The following DMD variants were observed in gnomAD, a reference collection of about 807,000 sequenced individuals.
DMD encodes the protein dystrophin, also known as mutant dystrophin.
DMD carries 63 observed loss-of-function variants against 330.1 expected under a neutral mutation model. The ratio of observed to expected loss-of-function variants is 0.19; its 90% CI spans 0.16 to 0.24. DMD has a LOEUF of 0.24. DMD is among the 10% of genes least tolerant of loss of function. DMD has a pLI of 1.00. For synonymous variants in DMD, 1,223 were observed against 959.8 expected (o/e 1.27, Z -5.07); for missense variants, 3,344 against 2,684.1 (o/e 1.25, Z -5.43).
intron 62 of DMD, among the ~76,000 whole-genome samples, chrX:31,311,786 C>T (rs1386262669): frequency 9.0e-6 from 1 of 111,027 alleles, no homozygotes; most frequent in Non-Finnish European, 1.9e-5. Context: ...CATGAAAGAC[C>T]TCAGAAATAA....
At chrX:32,141,678 AACACACACACACACACACACACACAC>A (rs56858722) in intron 44 of DMD, among the ~76,000 whole-genome samples, 2 of 88,114 alleles carry the variant, frequency 2.3e-5, no homozygotes, top group African/African-American at 8.5e-5. Flanking sequence ...TATAGAGTGC[AACACACACACACACACACACACACAC>A]ACACACACAC....
chrX:33,197,495 A>G (rs893648767), intron 1 of DMD, among the ~76,000 whole-genome samples: 4 of 111,326 alleles, frequency 3.6e-5, no homozygotes, highest in Non-Finnish European at 5.7e-5. Context: ...TATCAAGTGT[A>G]GCTTTGTGTA....
chrX:33,133,550 T>A (rs1195981992), intron 1 of DMD, among the ~76,000 whole-genome samples: 1 of 111,240 alleles, frequency 9.0e-6, no homozygotes, highest in African/African-American at 3.3e-5. Context: ...TATTGCTCAA[T>A]GGAAGTCAAT....
intron 6 of DMD, among the ~76,000 whole-genome samples, chrX:32,810,248 A>T (rs1222240088): frequency 8.9e-6 from 1 of 112,057 alleles, no homozygotes; most frequent in Non-Finnish European, 1.9e-5. Flanking sequence ...TAGCTTATCC[A>T]AGCAACAAAA....
At chrX:33,311,939 A>C (rs779859600) in intron 1 of DMD, among the ~76,000 whole-genome samples, 1 of 110,824 alleles carries the variant, frequency 9.0e-6, no homozygotes, top group Non-Finnish European at 1.9e-5. Flanking sequence ...GGGAAATAGT[A>C]AAGAGAAAGA....
At chrX:32,010,703 C>T (rs1174989446) in intron 44 of DMD, among the ~76,000 whole-genome samples, 1 of 111,792 alleles carries the variant, frequency 8.9e-6, no homozygotes, top group African/African-American at 3.3e-5. Context: ...CTCTGACTAC[C>T]CCAAGTTAGA....
rs1341651482 is a variant in DMD, at chrX:33,041,347, CG to C, written c.32-21148del. The C allele has an allele frequency of 2.6e-6, 3 of 1,160,006 alleles. No individual in the cohort carries two copies. In the African/African-American group the frequency reaches 5.3e-5, roughly 21 times the overall value. Reference sequence around the variant, plus strand: ...TACCGCCTCTGCGCGTCGCCCTCCACGGTTACCCCGGCTTTCCGCCCCTCCT... The same window carrying C: ...TACCGCCTCTGCGCGTCGCCCTCCACGTTACCCCGGCTTTCCGCCCCTCCT... On this transcript the variant is annotated intron_variant, in intron 1 of 78. Transcript: ENST00000357033.
At chrX:31,581,720 A>G (rs765115921) in intron 55 of DMD, among the ~76,000 whole-genome samples, 84 of 112,195 alleles carry the variant, frequency 7.5e-4, no homozygotes, top group Non-Finnish European at 1.4e-3. Flanking sequence ...TTTTGAAAAG[A>G]TAACTTATTA....
chrX:31,890,109 T>C (rs991401107), intron 47 of DMD, among the ~76,000 whole-genome samples: 2 of 110,175 alleles, frequency 1.8e-5, no homozygotes, highest in African/African-American at 3.3e-5. Context: ...TCCTTCTTTT[T>C]ACTTTTATAT....
intron 29 of DMD, among the ~76,000 whole-genome samples, chrX:32,426,273 TAAAC>T (rs1450604214): frequency 2.7e-5 from 3 of 111,509 alleles, no homozygotes; most frequent in African/African-American, 9.8e-5. Flanking sequence ...CTAAGTAACT[TAAAC>T]AAATTTATTT....
At chrX:32,848,246 C>A (rs998760029) in intron 3 of DMD, among the ~76,000 whole-genome samples, 1 of 111,774 alleles carries the variant, frequency 8.9e-6, no homozygotes, top group Non-Finnish European at 1.9e-5. Flanking sequence ...ACTGGGACTT[C>A]TGTATTCGGT....
chrX:31,394,938 TGAGA>T (rs757803694), intron 60 of DMD, among the ~76,000 whole-genome samples: 1 of 86,832 alleles, frequency 1.2e-5, no homozygotes, highest in Admixed American at 1.3e-4. Flanking sequence ...GAGAGAAGGG[TGAGA>T]GAGAGAGAGA....
intron 2 of DMD, among the ~76,000 whole-genome samples, chrX:32,993,496 G>C (rs1288114657): frequency 9.1e-6 from 1 of 109,610 alleles, no homozygotes; most frequent in Admixed American, 9.8e-5. Flanking sequence ...CCAGCTACTT[G>C]GGAGGCTGTG....
At chrX:31,276,075 G>T (rs1334300403) in intron 62 of DMD, among the ~76,000 whole-genome samples, 2 of 111,680 alleles carry the variant, frequency 1.8e-5, no homozygotes, top group African/African-American at 6.5e-5. Context: ...TTTTTGTTTT[G>T]AGACGGAGTC....
At chrX:32,273,557 T>A (rs1217948976) in intron 43 of DMD, among the ~76,000 whole-genome samples, 1 of 110,817 alleles carries the variant, frequency 9.0e-6, no homozygotes, top group East Asian at 2.8e-4. Flanking sequence ...AATAAACACA[T>A]TTCCCAGCCC....
chrX:32,672,746 A>C (rs1280743970), intron 9 of DMD, among the ~76,000 whole-genome samples: 1 of 110,950 alleles, frequency 9.0e-6, no homozygotes, highest in Non-Finnish European at 1.9e-5. Context: ...GCAAAGAAAA[A>C]AATGTTACAG....
intron 29 of DMD, among the ~76,000 whole-genome samples, chrX:32,429,752 C>A (rs1411564121): frequency 9.1e-6 from 1 of 109,418 alleles, no homozygotes; most frequent in African/African-American, 3.3e-5. Context: ...CTATCTCTAC[C>A]CTCTTTCTAA....
intron 1 of DMD, among the ~76,000 whole-genome samples, chrX:33,197,441 GGTGT>G (rs370111253): frequency 1.8e-5 from 2 of 109,323 alleles, no homozygotes; most frequent in Non-Finnish European, 3.8e-5. Flanking sequence ...GTGTGACTCT[GGTGT>G]GTGTGTGTGT....
At chrX:33,303,279 T>A (rs1020367625) in intron 1 of DMD, among the ~76,000 whole-genome samples, 3 of 111,869 alleles carry the variant, frequency 2.7e-5, no homozygotes, top group African/African-American at 9.7e-5. Flanking sequence ...TTTTACATTT[T>A]AAAATTTTAA....
Sources: allele counts gnomAD v4.1 joint callset (sites outside exome capture counted in the v4.1 genomes callset), GRCh38; gene constraint gnomAD v4.1.1; transcripts MANE v1.5; gene names NCBI Gene and HGNC (gene_info 2026-07-23, HGNC 2026-07-21).